EFCAB7: variants seen among roughly 807,000 people sequenced by gnomAD.
EFCAB7 encodes EF-hand calcium binding domain 7.
In EFCAB7, 66 loss-of-function variants were observed where a neutral mutation model predicts 77.1. The observed-to-expected ratio is 0.86, with a 90% CI of 0.70 to 1.05. EFCAB7 has a LOEUF of 1.05. Among genes scored for constraint, EFCAB7 ranks in the 50% least tolerant of loss-of-function variants. The pLI is 0.00. For synonymous variants in EFCAB7, 225 were observed against 243.3 expected (o/e 0.92, Z 0.70); for missense variants, 638 against 730.5 (o/e 0.87, Z 1.46).
At chr1:63,539,278 T>A (rs1479105925) in intron 6 of EFCAB7, among the ~76,000 whole-genome samples, 1 of 152,124 alleles carries the variant, frequency 6.6e-6, no homozygotes, top group Non-Finnish European at 1.5e-5. Context: ...AATTTAACCA[T>A]TTTTTTAAAG....
chr1:63,576,965 G>T (rs373865987), downstream of EFCAB7, among the ~76,000 whole-genome samples: 2 of 152,114 alleles, frequency 1.3e-5, no homozygotes. Flanking sequence ...TGGCCAATAT[G>T]GTGAAACCCC....
chr1:63,547,321 T>TA (rs1424533798), intron 7 of EFCAB7: 9 of 152,194 alleles, frequency 5.9e-5, no homozygotes, highest in African/African-American at 1.9e-4. Flanking sequence ...ACATTAGAGT[T>TA]AAAAAAAGAC....
At chr1:63,580,186 G>C in the EFCAB7 span, among the ~76,000 whole-genome samples, 2 of 152,094 alleles carry the variant, frequency 1.3e-5, no homozygotes, top group African/African-American at 4.8e-5. Context: ...TCTAAAAGTT[G>C]TATAGTTTTA....
chr1:63,527,505 T>C (rs1644761271), intron 2 of EFCAB7, among the ~76,000 whole-genome samples: 1 of 94,706 alleles, frequency 1.1e-5, no homozygotes, highest in Non-Finnish European at 2.1e-5. Flanking sequence ...GTTCCTTTTT[T>C]GTCAATTTAT....
At position 63,571,123 on chromosome 1, in the gene EFCAB7, A is replaced by G. The variant is rs368299239; in HGVS notation, c.1810A>G (p.Thr604Ala). 26 of 1,603,924 alleles carry G rather than the reference A, an allele frequency of 1.6e-5. No individual in the cohort carries two copies. Among genetic ancestry groups the G allele is most frequent in the Non-Finnish European group, 2.1e-5 (25 of 1,174,076 alleles). The change falls in exon 13 of 14, where the codon ACA (threonine) becomes GCA (alanine). Residue 604 changes from threonine (T) to alanine (A), a missense_variant. Transcript: ENST00000371088. ...TGCAGTAGAAGTGGGACCCAAATCT[A>G]CAATGGTAATGTATTATTTTCTAAT... ...IFAVEVGPKSTMVCQHVMPLN... is the reference protein window; with the variant it reads ...IFAVEVGPKSAMVCQHVMPLN...
the EFCAB7 span, among the ~76,000 whole-genome samples, chr1:63,582,508 G>T: frequency 5.3e-5 from 8 of 152,316 alleles, no homozygotes; most frequent in East Asian, 1.5e-3. Flanking sequence ...TATTGGAAAT[G>T]CAGCTTTTAT....
chr1:63,582,696 C>G, the EFCAB7 span, among the ~76,000 whole-genome samples: 3 of 152,308 alleles, frequency 2.0e-5, no homozygotes, highest in African/African-American at 7.2e-5. Context: ...CAACCTCTGC[C>G]TTCTGGGTTT....
downstream of EFCAB7, among the ~76,000 whole-genome samples, chr1:63,574,652 C>T (rs1647359381): frequency 6.6e-6 from 1 of 152,124 alleles, no homozygotes; most frequent in Admixed American, 6.5e-5. Flanking sequence ...ATGGCCTTTG[C>T]AGTGAATGAC....
At chr1:63,568,272 T>A in intron 11 of EFCAB7, 38 bp from the exon 12 acceptor site, 2 of 1,485,700 alleles carry the variant, frequency 1.3e-6, no homozygotes, top group Non-Finnish European at 1.8e-6. Context: ...TTTAAAATTC[T>A]ATCAAAAGGC....
chr1:63,541,281 T>A (rs1646825844), intron 6 of EFCAB7, among the ~76,000 whole-genome samples: 2 of 152,202 alleles, frequency 1.3e-5, no homozygotes, highest in South Asian at 2.1e-4. Flanking sequence ...CCAATTTTTT[T>A]ATAAAACAAT....
At chr1:63,555,678 A>G (rs1165444295) in intron 9 of EFCAB7, among the ~76,000 whole-genome samples, 163 bp downstream of exon 9, 2 of 152,170 alleles carry the variant, frequency 1.3e-5, no homozygotes, top group African/African-American at 4.8e-5. Flanking sequence ...TGTTCTGCTA[A>G]GTTAAATAAG....
intron 8 of EFCAB7, 181 bp from the exon 9 acceptor site, chr1:63,555,177 A>G: frequency 1.8e-6 from 1 of 553,658 alleles, no homozygotes. Context: ...TAATGGGATT[A>G]CCATTAACAA....
downstream of EFCAB7, among the ~76,000 whole-genome samples, chr1:63,577,489 G>A (rs114200029): frequency 4.0e-3 from 602 of 152,002 alleles, 3 homozygotes; most frequent in African/African-American, 0.014. Context: ...TATAGTATGC[G>A]GAATTACTAA....
At chr1:63,561,170 A>C (rs777396701) in intron 10 of EFCAB7, among the ~76,000 whole-genome samples, 1 of 152,196 alleles carries the variant, frequency 6.6e-6, no homozygotes, top group Non-Finnish European at 1.5e-5. Flanking sequence ...AGTGCTCCCC[A>C]TTATCTGTCA....
intron 6 of EFCAB7, among the ~76,000 whole-genome samples, chr1:63,538,567 C>T (rs1386511820): frequency 6.6e-5 from 10 of 152,032 alleles, no homozygotes; most frequent in Admixed American, 6.5e-4. Context: ...GATTCTCCTG[C>T]CTCAGCCTCC....
At chr1:63,581,644 T>C in the EFCAB7 span, among the ~76,000 whole-genome samples, 3 of 152,178 alleles carry the variant, frequency 2.0e-5, no homozygotes, top group East Asian at 1.9e-4. Flanking sequence ...TTGAACAACA[T>C]TGGGTTTGAA....
chr1:63,552,367 T>C (rs1255239658), intron 8 of EFCAB7, among the ~76,000 whole-genome samples: 1 of 152,204 alleles, frequency 6.6e-6, no homozygotes, highest in Non-Finnish European at 1.5e-5. Context: ...GAACATTTGA[T>C]ATACTCAATA....
chr1:63,551,764 A>T lies in EFCAB7; in HGVS notation c.986A>T (p.Tyr329Phe). Residue 329 changes from tyrosine (Y) to phenylalanine (F), a missense_variant, in exon 8 of 14, where the codon TAT becomes TTT. By Grantham distance (22) the Tyr-to-Phe change is conservative. Coordinates refer to ENST00000371088, the MANE Select transcript of EFCAB7 (RefSeq NM_032437.4). ...SPWLSVDTAL[Y>F]ILKENESQAN... ...TGGTTATCCGTTGATACTGCCTTGT[A>T]TATTCTCAAGGAAAATGAGAGTCAA... is the stretch of plus-strand genomic sequence containing the variant. The T allele has an allele frequency of 6.3e-7, 1 of 1,588,962 alleles. No individual in the cohort carries two copies.
rs1319163358 is a variant in EFCAB7 at position 63,555,496 on chromosome 1, T to C, written c.1195T>C (p.Phe399Leu). The stretch of plus-strand genomic sequence containing the variant: ...ATATAGAGATGAAACAGGGGAATTA[T>C]TCCTTACAAAGGAATTTAAGTAAGT... Reference protein sequence around the residue: ...LVYRDETGELFLTKEFKSTLS... With the variant: ...LVYRDETGELLLTKEFKSTLS... Residue 399 changes from phenylalanine (F) to leucine (L), a missense_variant, in exon 9 of 14, where the codon TTC (phenylalanine) becomes CTC (leucine). Transcript: ENST00000371088. 12 of 1,612,542 alleles carry C rather than the reference T, an allele frequency of 7.4e-6. No homozygotes were observed. The African/African-American group carries it at 9.4e-5, about 13-fold the overall frequency.
Sources: allele counts gnomAD v4.1 joint callset (sites outside exome capture counted in the v4.1 genomes callset), GRCh38; gene constraint gnomAD v4.1.1; transcripts MANE v1.5; gene names NCBI Gene and HGNC (gene_info 2026-07-23, HGNC 2026-07-21).